RAD51D: variants seen among roughly 807,000 people sequenced by gnomAD.
RAD51D encodes the protein RAD51 paralog D.
A neutral mutation model predicts 44.1 loss-of-function variants in RAD51D; 38 were observed. The ratio of observed to expected loss-of-function variants is 0.86; its 90% CI spans 0.67 to 1.13. The LOEUF (loss-of-function observed/expected upper bound fraction) is 1.13, where lower values mean the gene tolerates loss of function less well. Ranked by LOEUF, RAD51D falls within the 50% of genes most tolerant of loss-of-function variation. The probability of loss-of-function intolerance (pLI) is 0.00; values close to 1 mark genes in which losing one functional copy is unlikely to be tolerated. For synonymous variants in RAD51D, 141 were observed against 166.6 expected (o/e 0.85, Z 1.18); for missense variants, 390 against 414.0 (o/e 0.94, Z 0.50).
intron 1 of RAD51D, 166 bp downstream of exon 1, chr17:35,119,366 G>A: frequency 1.1e-6 from 1 of 946,498 alleles, no homozygotes; most frequent in Non-Finnish European, 1.7e-6. Flanking sequence ...CTGTTTTAGA[G>A]CTTGGCTCCC....
At chr17:35,109,111 C>T (rs1345012940) in intron 3 of RAD51D, among the ~76,000 whole-genome samples, 2 of 152,136 alleles carry the variant, frequency 1.3e-5, no homozygotes, top group East Asian at 1.9e-4. Context: ...AAGTGATCCG[C>T]CCAACACAGC....
chr17:35,107,376 C>G lies in RAD51D; in HGVS notation c.335G>C (p.Gly112Ala), dbSNP rs587782848. The change falls in exon 4 of 10, where the codon GGC becomes GCC. Residue 112 changes from glycine (G) to alanine (A), a missense_variant. Transcript: ENST00000345365. ...TGGCCTCACATGTACCTGAGTTTTG[C>G]CGCTACCTGGGCCTCCTACAATTTC... Reference protein sequence around the residue: ...VTEIVGGPGSGKTQVCLCMAA... With the variant: ...VTEIVGGPGSAKTQVCLCMAA... 6.4e-7 allele frequency: 1 copy of G among 1,556,186 alleles called. No individual in the cohort carries two copies. Among genetic ancestry groups the G allele is most frequent in the Non-Finnish European group, 8.9e-7 (1 of 1,127,420 alleles).
At chr17:35,113,576 A>G (rs779561543) in intron 3 of RAD51D, 10 of 447,224 alleles carry the variant, frequency 2.2e-5, no homozygotes, top group Non-Finnish European at 4.5e-5. Context: ...GCCCCCAACC[A>G]TTTTAATTCC....
chr17:35,101,503 G>A, intron 8 of RAD51D, 138 bp from the exon 9 acceptor site: 4 of 942,732 alleles, frequency 4.2e-6, no homozygotes, highest in Non-Finnish European at 5.0e-6. Flanking sequence ...CTAATGGCAG[G>A]TCTGGAACTA....
At chr17:35,109,736 C>T (rs532767821) in intron 3 of RAD51D, among the ~76,000 whole-genome samples, 7 of 151,480 alleles carry the variant, frequency 4.6e-5, no homozygotes, top group African/African-American at 1.5e-4. Context: ...GGCGTGATCT[C>T]GGCTCACCAC....
intron 3 of RAD51D, among the ~76,000 whole-genome samples, chr17:35,115,670 C>CT (rs1343278428): frequency 6.6e-6 from 1 of 152,010 alleles, no homozygotes; most frequent in African/African-American, 2.4e-5. Flanking sequence ...AAGATCGAGA[C>CT]CATCCTGGCC....
In RAD51D at chr17:35,103,689, T is replaced by C. The variant is rs1421396317; in HGVS notation, c.577-145A>G. 4.1e-5 allele frequency: 29 copies of C among 701,234 alleles called. No homozygotes were observed. The highest frequency in any genetic ancestry group is 7.5e-5 in the Non-Finnish European group (29 of 385,620). The allele number at this position is 701,234 out of a possible 1,614,324, so 43.4% of individuals were successfully genotyped here. On this transcript the variant is annotated intron_variant, in intron 6 of 9. Transcript: ENST00000345365. The surrounding 1 kb of genome is among the most constrained non-coding windows in gnomAD (Gnocchi z 4.1). ...GCTGCACGGGCATCACAGAATGTCA[T>C]CAGCAGCAATGTCTCCCTCGTCCCA...
chr17:35,110,338 C>T (rs999297710), intron 3 of RAD51D, among the ~76,000 whole-genome samples: 1 of 152,100 alleles, frequency 6.6e-6, no homozygotes, highest in Non-Finnish European at 1.5e-5. Flanking sequence ...ATTCTAGATA[C>T]AAGTCCTTTG....
chr17:35,106,963 A>G (rs1259935149), intron 5 of RAD51D, 25 bp downstream of exon 5: 4 of 1,614,030 alleles, frequency 2.5e-6, no homozygotes, highest in Non-Finnish European at 2.5e-6. Context: ...CAGAATCTCA[A>G]TGGAACCCAG....
rs989987026 is a variant in RAD51D at position 35,119,746 on chromosome 17, G to A, written c.-133C>T. Reference sequence around the variant, plus strand: ...GCGCGCTGGCTGCCGGAGGAGAAAGGAGAGAGGAGGAGGCGGCACCAAGGG... The same window carrying A: ...GCGCGCTGGCTGCCGGAGGAGAAAGAAGAGAGGAGGAGGCGGCACCAAGGG... On this transcript the variant is annotated 5_prime_UTR_variant, in exon 1 of 10. Transcript: ENST00000345365. 1.4e-5 allele frequency: 12 copies of A among 862,104 alleles called. No homozygotes were observed. In the Admixed American group the frequency reaches 2.0e-4, roughly 14 times the overall value. The allele number at this position is 862,104 out of a possible 1,614,324, so 53.4% of individuals were successfully genotyped here.
rs2091499588 is a variant in RAD51D at position 35,098,057 on chromosome 17, T to C, written c.*2896A>G. On this transcript the variant is annotated 3_prime_UTR_variant, in exon 10 of 10. Coordinates refer to ENST00000345365, the MANE Select transcript of RAD51D (RefSeq NM_002878.4). ...TCCTGGTCTAGGAGGAGCCAAAGGA[T>C]GAAGCTGGCTGTGAGGGGCACAGCC... 1 of 152,116 alleles carries C rather than the reference T, an allele frequency of 6.6e-6. No homozygotes were observed. The highest frequency in any genetic ancestry group is 6.6e-5 in the Admixed American group (1 of 15,258). 9.4% of individuals were successfully genotyped at this position (152,116 alleles called of 1,614,324 possible). A position where few individuals can be genotyped will look rare whatever the true frequency, so the allele number is the denominator to read the frequency against.
At chr17:35,110,903 C>T (rs1425608496) in intron 3 of RAD51D, among the ~76,000 whole-genome samples, 1 of 151,954 alleles carries the variant, frequency 6.6e-6, no homozygotes, top group Non-Finnish European at 1.5e-5. Flanking sequence ...GTCAGGAGTT[C>T]AAGACCAGCC....
intron 3 of RAD51D, chr17:35,116,961 C>T (rs1277311066): frequency 6.2e-7 from 1 of 1,613,940 alleles, no homozygotes; most frequent in Non-Finnish European, 8.5e-7. Context: ...ATTCCTGACC[C>T]CACTCCACGA....
At chr17:35,114,334 T>C (rs1019252060) in intron 3 of RAD51D, among the ~76,000 whole-genome samples, 6 of 152,078 alleles carry the variant, frequency 3.9e-5, no homozygotes, top group South Asian at 2.1e-4. Context: ...AAAATGCCTA[T>C]GTCAGCAGTA....
At chr17:35,112,488 C>G (rs1395601689) in intron 3 of RAD51D, among the ~76,000 whole-genome samples, 2 of 151,984 alleles carry the variant, frequency 1.3e-5, no homozygotes, top group Non-Finnish European at 2.9e-5. Flanking sequence ...AGTGATTCTC[C>G]CGTCTCAGCC....
intron 3 of RAD51D, chr17:35,117,088 A>C (rs373509014): frequency 2.6e-6 from 4 of 1,562,042 alleles, no homozygotes; most frequent in East Asian, 2.3e-5. Flanking sequence ...CTTCCTGTTC[A>C]CCACTCCCTC....
rs979476734 is a variant in RAD51D at position 35,099,767 on chromosome 17, T to C, written c.*1186A>G. 4 of 424,396 alleles carry C rather than the reference T, an allele frequency of 9.4e-6. No individual in the cohort carries two copies. Among genetic ancestry groups the C allele is most frequent in the African/African-American group, 8.1e-5 (4 of 49,122 alleles). The allele number at this position is 424,396 out of a possible 1,614,324, so 26.3% of individuals were successfully genotyped here. A position where few individuals can be genotyped will look rare whatever the true frequency, so the allele number is the denominator to read the frequency against. ...AGAAAGATGACCTTCCTTTAAAAGA[T>C]GTGGCCAGTAACCAATCCTGATCAT... is the stretch of plus-strand genomic sequence containing the variant. On this transcript the variant is annotated 3_prime_UTR_variant, in exon 10 of 10. Coordinates refer to ENST00000345365, the MANE Select transcript of RAD51D (RefSeq NM_002878.4).
chr17:35,106,536 C>T (rs1452966320), intron 5 of RAD51D, 55 bp from the exon 6 acceptor site: 15 of 1,355,778 alleles, frequency 1.1e-5, no homozygotes, highest in Non-Finnish European at 1.5e-5. Flanking sequence ...GTAGGGGGGT[C>T]AAGGTAAGGC....
rs547804200 is a variant in RAD51D at position 35,115,600 on chromosome 17, T to G, written c.263+2901A>C. On this transcript the variant is annotated intron_variant, in intron 3 of 9. Transcript: ENST00000345365. ...AAGAAAGGCTAGAGACTGGGCATGG[T>G]AGCTCACGCCTGTAATCCCAGCACT... 3.9e-5 allele frequency among the ~76,000 whole-genome samples: 6 copies of G among 152,252 alleles called. No homozygotes were observed. The East Asian group carries it at 9.7e-4, about 24-fold the overall frequency.
Sources: allele counts gnomAD v4.1 joint callset (sites outside exome capture counted in the v4.1 genomes callset), GRCh38; gene constraint gnomAD v4.1.1; non-coding constraint Gnocchi (gnomAD v3.1); transcripts MANE v1.5; gene names NCBI Gene and HGNC (gene_info 2026-07-23, HGNC 2026-07-21).